The following GRIK1 variants were observed in gnomAD, a reference collection of about 807,000 sequenced individuals.
GRIK1 encodes the protein glutamate receptor ionotropic, kainate 1.
Under a neutral mutation model 105.7 loss-of-function variants are expected in GRIK1, and 69 were observed. The ratio of observed to expected loss-of-function variants is 0.65; its 90% CI spans 0.54 to 0.80. GRIK1 has a LOEUF of 0.80. Ranked by LOEUF, GRIK1 falls within the 30% of genes least tolerant of loss-of-function variation. The pLI is 0.00. For synonymous variants in GRIK1, 438 were observed against 431.3 expected, an observed-to-expected ratio of 1.02 and a Z score of -0.19; for missense variants, 1,109 against 1,167.3, an observed-to-expected ratio of 0.95 and a Z score of 0.73.
intron 1 of GRIK1, among the ~76,000 whole-genome samples, chr21:29,756,235 G>GC (rs1211063303): frequency 2.6e-5 from 4 of 152,122 alleles, no homozygotes; most frequent in Non-Finnish European, 5.9e-5. Context: ...CAAAAAATTT[G>GC]TGTGGTGTAG....
At chr21:29,861,513 GC>G (rs1350803651) in intron 1 of GRIK1, among the ~76,000 whole-genome samples, 1 of 151,906 alleles carries the variant, frequency 6.6e-6, no homozygotes. Context: ...TTGTCATATT[GC>G]CCAGGCTGGT....
At chr21:29,793,875 G>A (rs929751305) in intron 1 of GRIK1, among the ~76,000 whole-genome samples, 4 of 152,188 alleles carry the variant, frequency 2.6e-5, no homozygotes, top group African/African-American at 7.2e-5. Flanking sequence ...TTTTTAGGAA[G>A]CATTCCACGC....
intron 1 of GRIK1, among the ~76,000 whole-genome samples, chr21:29,773,228 A>G (rs2065857735): frequency 6.6e-6 from 1 of 152,220 alleles, no homozygotes; most frequent in South Asian, 2.1e-4. Flanking sequence ...TCTTCTGAAC[A>G]TTCTGCAAGC....
At chr21:29,891,019 C>A (rs1208951301) in intron 1 of GRIK1, among the ~76,000 whole-genome samples, 1 of 152,148 alleles carries the variant, frequency 6.6e-6, no homozygotes, top group African/African-American at 2.4e-5. Context: ...CTGAGCCACA[C>A]AAAATCTCTG....
At chr21:29,647,863 C>T (rs11908902) in intron 6 of GRIK1, among the ~76,000 whole-genome samples, 16,163 of 152,164 alleles carry the variant, frequency 0.11, 917 homozygotes, top group African/African-American at 0.15. Context: ...TTTTTAATAA[C>T]GAGTTTTACT....
chr21:29,549,928 G>A (rs1176800794), intron 16 of GRIK1, among the ~76,000 whole-genome samples: 5 of 151,794 alleles, frequency 3.3e-5, no homozygotes, highest in South Asian at 2.1e-4. Context: ...CCAACATGGC[G>A]AAACTCCTGT....
intron 1 of GRIK1, among the ~76,000 whole-genome samples, chr21:29,891,130 A>G (rs768084570): frequency 1.3e-5 from 2 of 152,160 alleles, no homozygotes; most frequent in Non-Finnish European, 2.9e-5. Context: ...TCAGAATGAA[A>G]CTAGTCATTT....
At chr21:29,637,688 A>G (rs953376299) in intron 7 of GRIK1, among the ~76,000 whole-genome samples, 3 of 152,160 alleles carry the variant, frequency 2.0e-5, no homozygotes, top group African/African-American at 7.2e-5. Context: ...TAGCACCTTG[A>G]TAGTGGACTT....
At chr21:29,829,572 C>A (rs2067568977) in intron 1 of GRIK1, among the ~76,000 whole-genome samples, 4 of 152,152 alleles carry the variant, frequency 2.6e-5, no homozygotes, top group Non-Finnish European at 5.9e-5. Context: ...TGTTAGCAAG[C>A]AGTGCCACTC....
At chr21:29,679,998 G>C (rs1435829362) in intron 3 of GRIK1, among the ~76,000 whole-genome samples, 1 of 152,200 alleles carries the variant, frequency 6.6e-6, no homozygotes, top group Non-Finnish European at 1.5e-5. Flanking sequence ...TGCCATAGGA[G>C]GGAATATGCT....
chr21:29,578,821 G>T (rs1163430175), intron 13 of GRIK1, among the ~76,000 whole-genome samples: 1 of 152,040 alleles, frequency 6.6e-6, no homozygotes, highest in African/African-American at 2.4e-5. Flanking sequence ...TGATCTAGCA[G>T]TCTTGTGGCA....
intron 1 of GRIK1, among the ~76,000 whole-genome samples, chr21:29,810,563 T>C (rs2066983913): frequency 6.6e-6 from 1 of 152,166 alleles, no homozygotes; most frequent in Non-Finnish European, 1.5e-5. Flanking sequence ...TCAGCTGATC[T>C]TGTTTTGCCA....
At chr21:29,834,185 AT>A (rs972850181) in intron 1 of GRIK1, among the ~76,000 whole-genome samples, 12 of 151,652 alleles carry the variant, frequency 7.9e-5, no homozygotes, top group African/African-American at 2.7e-4. Flanking sequence ...CAGTTTTAGT[AT>A]TTTTTTAGAA....
chr21:29,899,208 T>A (rs2070295120), intron 1 of GRIK1, among the ~76,000 whole-genome samples: 3 of 152,218 alleles, frequency 2.0e-5, no homozygotes, highest in Admixed American at 2.0e-4. Context: ...ACACCTAAAT[T>A]TGTGATTAGG....
At chr21:29,917,496 A>G (rs1288665364) in intron 1 of GRIK1, among the ~76,000 whole-genome samples, 1 of 152,044 alleles carries the variant, frequency 6.6e-6, no homozygotes, top group Non-Finnish European at 1.5e-5. Flanking sequence ...ATAGGAAATG[A>G]CACAATTTAA....
chr21:29,641,245 G>T (rs2062503658), intron 7 of GRIK1, among the ~76,000 whole-genome samples: 1 of 152,182 alleles, frequency 6.6e-6, no homozygotes, highest in African/African-American at 2.4e-5. Flanking sequence ...CCCATGTGTT[G>T]TGGGAGGGAC....
At chr21:29,597,660 A>G (rs987632190) in intron 8 of GRIK1, 9 of 468,610 alleles carry the variant, frequency 1.9e-5, no homozygotes, top group Non-Finnish European at 2.7e-5. Flanking sequence ...ATCAGAGTGA[A>G]GAGGAAGCCA....
chr21:29,890,703 T>C (rs1601955382), intron 1 of GRIK1, among the ~76,000 whole-genome samples: 2 of 152,286 alleles, frequency 1.3e-5, no homozygotes, highest in East Asian at 3.9e-4. Context: ...CATCAGGTTC[T>C]CCAGAAATTT....
At chr21:29,550,385 C>T (rs1316492672) in intron 16 of GRIK1, among the ~76,000 whole-genome samples, 2 of 152,140 alleles carry the variant, frequency 1.3e-5, no homozygotes, top group Admixed American at 1.3e-4. Context: ...GTGGCTCTAC[C>T]TCTGCAATCA....
Sources: gnomAD v4.1 joint callset for allele counts (sites outside exome capture counted in the v4.1 genomes callset) on GRCh38, gnomAD v4.1.1 for gene constraint, MANE v1.5 for transcripts, NCBI Gene and HGNC (gene_info 2026-07-23, HGNC 2026-07-21) for gene names.